The following LUZP2 variants were observed in gnomAD, a reference collection of about 807,000 sequenced individuals.
LUZP2 encodes leucine zipper protein 2.
Under a neutral mutation model 51.6 loss-of-function variants are expected in LUZP2, and 52 were observed. The ratio of observed to expected loss-of-function variants is 1.01; its 90% CI spans 0.81 to 1.27. LUZP2 has a LOEUF of 1.27. LUZP2 is among the 50% of genes most tolerant of loss of function. The pLI, the probability that LUZP2 is intolerant of heterozygous loss-of-function variation, is 0.00. For synonymous variants in LUZP2, 154 were observed against 137.3 expected, an observed-to-expected ratio of 1.12 and a Z score of -0.85; for missense variants, 436 against 395.4, an observed-to-expected ratio of 1.10 and a Z score of -0.87.
chr11:24,757,265 A>G (rs1859811200), intron 4 of LUZP2, among the ~76,000 whole-genome samples: 1 of 152,222 alleles, frequency 6.6e-6, no homozygotes, highest in Admixed American at 6.5e-5. Context: ...ATATGTATTG[A>G]AACATAAATG....
chr11:25,070,847 C>T (rs534642456), intron 10 of LUZP2, among the ~76,000 whole-genome samples: 15 of 148,930 alleles, frequency 1.0e-4, no homozygotes, highest in Non-Finnish European at 1.9e-4. Context: ...AACTGCCTGA[C>T]AAAATAAGAA....
At chr11:24,809,230 GAATA>G (rs1413322763) in intron 5 of LUZP2, among the ~76,000 whole-genome samples, 4 of 152,168 alleles carry the variant, frequency 2.6e-5, no homozygotes, top group African/African-American at 9.6e-5. Context: ...ATTAACAAAT[GAATA>G]AATAATAAAT....
rs559544429 is a variant in LUZP2, at chr11:24,878,510, A to G, written c.397-27481A>G. 3.9e-5 allele frequency among the ~76,000 whole-genome samples: 6 copies of G among 152,196 alleles called. No individual in the cohort carries two copies. The South Asian group carries it at 1.2e-3, about 32-fold the overall frequency. Reference sequence around the variant, plus strand: ...GGACCTTTGGGAGTTTGACTATTAAATACATTGTGATAGTCTTCTTCGGGT... The same window carrying G: ...GGACCTTTGGGAGTTTGACTATTAAGTACATTGTGATAGTCTTCTTCGGGT... On this transcript the variant is annotated intron_variant, in intron 5 of 11. Coordinates refer to ENST00000336930, the MANE Select transcript of LUZP2 (RefSeq NM_001009909.4).
intron 9 of LUZP2, among the ~76,000 whole-genome samples, chr11:24,988,716 G>A (rs1340043331): frequency 6.6e-6 from 1 of 151,952 alleles, no homozygotes; most frequent in Non-Finnish European, 1.5e-5. Flanking sequence ...ACTTGAATAT[G>A]TTTTTCCTGA....
chr11:24,714,183 C>A (rs1002942903), intron 1 of LUZP2, among the ~76,000 whole-genome samples: 3 of 151,764 alleles, frequency 2.0e-5, no homozygotes, highest in African/African-American at 7.3e-5. Flanking sequence ...AGGACAAATA[C>A]CTAATGCATG....
intron 5 of LUZP2, among the ~76,000 whole-genome samples, chr11:24,876,965 C>G (rs962378029): frequency 6.6e-6 from 1 of 152,118 alleles, no homozygotes; most frequent in Non-Finnish European, 1.5e-5. Flanking sequence ...GTCACAACAC[C>G]TGACTTTATG....
intron 1 of LUZP2, among the ~76,000 whole-genome samples, chr11:24,502,194 T>A (rs923859200): frequency 6.4e-5 from 9 of 139,796 alleles, no homozygotes; most frequent in Non-Finnish European, 1.1e-4. Context: ...TTTTATAAAA[T>A]CTTTGTGATT....
intron 1 of LUZP2, among the ~76,000 whole-genome samples, chr11:24,685,660 G>A (rs1477082469): frequency 6.6e-6 from 1 of 152,138 alleles, no homozygotes; most frequent in Non-Finnish European, 1.5e-5. Context: ...CAGCATCTGG[G>A]TTATGCCTCA....
intron 9 of LUZP2, among the ~76,000 whole-genome samples, chr11:25,017,083 T>G (rs1221690786): frequency 1.3e-5 from 2 of 152,148 alleles, no homozygotes; most frequent in Non-Finnish European, 2.9e-5. Flanking sequence ...TTTTGTGAAG[T>G]ATCTATTCAT....
At chr11:24,602,363 A>AGT (rs564136246) in intron 1 of LUZP2, among the ~76,000 whole-genome samples, 19 of 71,276 alleles carry the variant, frequency 2.7e-4, no homozygotes, top group South Asian at 4.4e-4. Flanking sequence ...TCTCTTTTAA[A>AGT]GTGTGTGTGT....
chr11:24,760,017 G>C (rs1859924211), intron 4 of LUZP2, among the ~76,000 whole-genome samples: 1 of 152,142 alleles, frequency 6.6e-6, no homozygotes, highest in Non-Finnish European at 1.5e-5. Flanking sequence ...GTTTGGTCCA[G>C]AAAGGCAGGA....
chr11:24,932,631 G>A (rs1401957901), intron 7 of LUZP2, among the ~76,000 whole-genome samples: 1 of 152,134 alleles, frequency 6.6e-6, no homozygotes, highest in African/African-American at 2.4e-5. Flanking sequence ...AGCTCAAAAG[G>A]CTGCTCTCAC....
chr11:24,789,270 C>G (rs1849338331), intron 5 of LUZP2, among the ~76,000 whole-genome samples: 1 of 152,106 alleles, frequency 6.6e-6, no homozygotes, highest in Non-Finnish European at 1.5e-5. Flanking sequence ...TGTTTATCCT[C>G]TATATATGGT....
chr11:24,924,677 A>C (rs1331592595), intron 7 of LUZP2, among the ~76,000 whole-genome samples: 4 of 152,178 alleles, frequency 2.6e-5, no homozygotes, highest in Admixed American at 6.6e-5. Context: ...TGGTTGAGCT[A>C]CAGCTTGGTT....
chr11:24,939,564 AAAG>A lies in LUZP2; in HGVS notation c.522+25027_522+25029del, dbSNP rs1424957943. On this transcript the variant is annotated intron_variant, in intron 7 of 11. Coordinates refer to ENST00000336930, the MANE Select transcript of LUZP2 (RefSeq NM_001009909.4). The stretch of plus-strand genomic sequence containing the variant: ...TATTCATAGGAAGGAAGGAAGAAAA[AAAG>A]GGAGAAAAAAATCCAGTGATTAAGT... Among the ~76,000 whole-genome samples the A allele has an allele frequency of 1.6e-4, 24 of 152,268 alleles. No individual in the cohort carries two copies. In the South Asian group the frequency reaches 4.8e-3, roughly 30 times the overall value.
intron 1 of LUZP2, among the ~76,000 whole-genome samples, chr11:24,621,950 A>G (rs1440849359): frequency 4.8e-5 from 7 of 145,922 alleles, no homozygotes; most frequent in Non-Finnish European, 1.0e-4. Flanking sequence ...ACTCCTTTCC[A>G]CATACATCTT....
At chr11:24,576,885 A>G (rs1263997454) in intron 1 of LUZP2, among the ~76,000 whole-genome samples, 1 of 152,094 alleles carries the variant, frequency 6.6e-6, no homozygotes, top group African/African-American at 2.4e-5. Context: ...ACTTATTTTT[A>G]ACTTCCATGG....
chr11:25,006,624 A>T (rs912771886), intron 9 of LUZP2, among the ~76,000 whole-genome samples: 4 of 152,142 alleles, frequency 2.6e-5, no homozygotes, highest in African/African-American at 9.7e-5. Flanking sequence ...TAGCCCCCAA[A>T]TTCTAAGGAA....
At chr11:24,807,566 C>T (rs1426927407) in intron 5 of LUZP2, among the ~76,000 whole-genome samples, 2 of 151,792 alleles carry the variant, frequency 1.3e-5, no homozygotes, top group African/African-American at 4.8e-5. Flanking sequence ...TATTTTTGTG[C>T]TCAGGTTCCA....
Sources: gnomAD v4.1 joint callset for allele counts (sites outside exome capture counted in the v4.1 genomes callset) on GRCh38, gnomAD v4.1.1 for gene constraint, MANE v1.5 for transcripts, NCBI Gene and HGNC (gene_info 2026-07-23, HGNC 2026-07-21) for gene names.